Variants in CCDC38 observed in about 807,000 individuals in gnomAD.
CCDC38 encodes coiled-coil domain containing 38.
A neutral mutation model predicts 72.8 loss-of-function variants in CCDC38; 69 were observed. The ratio of observed to expected loss-of-function variants is 0.95; its 90% CI spans 0.78 to 1.16. CCDC38 has a LOEUF of 1.16. Among genes scored for constraint, CCDC38 ranks in the 50% most tolerant of loss-of-function variants. The pLI is 0.00. For synonymous variants in CCDC38, 201 were observed against 213.2 expected (o/e 0.94, Z 0.50); for missense variants, 626 against 638.9 (o/e 0.98, Z 0.22).
chr12:95,903,243 C>A (rs767419410), intron 5 of CCDC38, among the ~76,000 whole-genome samples: 2 of 152,040 alleles, frequency 1.3e-5, no homozygotes. Context: ...GTAAATTGAC[C>A]TTGCTACAAC....
chr12:95,921,352 G>T (rs1289574515), intron 2 of CCDC38, among the ~76,000 whole-genome samples: 3 of 152,076 alleles, frequency 2.0e-5, no homozygotes, highest in African/African-American at 4.8e-5. Context: ...CTGCTATAAA[G>T]AACTTCTCTG....
chr12:95,881,480 G>C lies in CCDC38; in HGVS notation c.990+5C>G, dbSNP rs1231064707. On this transcript the variant is annotated splice_donor_5th_base_variant and intron_variant, in intron 11 of 15. Transcript: ENST00000344280. ...TATTTAAACTAGCAAATATAATCTG[G>C]TTACCAAATCAACGTCCATTTCATC... 1.2e-6 allele frequency: 2 copies of C among 1,602,694 alleles called. No individual in the cohort carries two copies. The highest frequency in any genetic ancestry group is 2.7e-5 in the African/African-American group (2 of 74,478).
In CCDC38 at chr12:95,878,960, T is replaced by C. The variant is rs116497216; in HGVS notation, c.1143-614A>G. On this transcript the variant is annotated intron_variant, in intron 12 of 15. Coordinates refer to ENST00000344280, the MANE Select transcript of CCDC38 (RefSeq NM_182496.3). ...TAATTTGTTTTGAAGTTAAATGTAG[T>C]TTGACCTATTGTTTAAAAAGATTGC... Among the ~76,000 whole-genome samples, 959 of 152,346 alleles carry C rather than the reference T, an allele frequency of 6.3e-3. 15 individuals are homozygous for C. Among genetic ancestry groups the C allele is most frequent in the African/African-American group, 0.022 (911 of 41,584 alleles).
chr12:95,898,761 A>G (rs747662022), intron 5 of CCDC38, 30 bp from the exon 6 acceptor site: 2 of 1,595,164 alleles, frequency 1.3e-6, no homozygotes, highest in East Asian at 4.5e-5. Flanking sequence ...AGGTGTAAAA[A>G]CATGATTCCA....
chr12:95,940,676 T>G (rs1350265926), intron 1 of CCDC38, among the ~76,000 whole-genome samples: 1 of 152,078 alleles, frequency 6.6e-6, no homozygotes, highest in Non-Finnish European at 1.5e-5. Context: ...AGTTAGCAAT[T>G]TTTTGTTTAC....
intron 2 of CCDC38, among the ~76,000 whole-genome samples, chr12:95,920,418 G>A (rs2080192079): frequency 6.6e-6 from 1 of 152,174 alleles, no homozygotes; most frequent in Admixed American, 6.5e-5. Flanking sequence ...GCCAGCCTGG[G>A]TATGTCTTTA....
At chr12:95,922,620 T>C (rs890921836) in intron 2 of CCDC38, among the ~76,000 whole-genome samples, 5 of 152,136 alleles carry the variant, frequency 3.3e-5, no homozygotes, top group Non-Finnish European at 7.4e-5. Context: ...TAGGTGGACG[T>C]CATATTTGGC....
chr12:95,872,428 A>C lies in CCDC38; in HGVS notation c.1311T>G (p.Ile437Met). 1 of 1,614,002 alleles carries C rather than the reference A, an allele frequency of 6.2e-7. No individual in the cohort carries two copies. Among genetic ancestry groups the C allele is most frequent in the Non-Finnish European group, 8.5e-7 (1 of 1,179,876 alleles). Residue 437 changes from isoleucine (I) to methionine (M), a missense_variant, in exon 14 of 16, where the codon ATT (isoleucine) becomes ATG (methionine). Ile to Met is a conservative substitution (Grantham distance 10). Transcript: ENST00000344280. ...CAATGCAGACTTTGTATACTTGAGT[A>C]ATCTTTTTACTAAGTGAGTCTATCA... is the stretch of plus-strand genomic sequence containing the variant. ...EILIDSLSKK[I>M]TQVYKVCIGD... is the part of the protein sequence containing the mutation.
At chr12:95,909,350 G>A (rs2080065894) in intron 4 of CCDC38, among the ~76,000 whole-genome samples, 1 of 152,072 alleles carries the variant, frequency 6.6e-6, no homozygotes. Context: ...ATTGAATCAG[G>A]AAGAAATTGT....
intron 4 of CCDC38, among the ~76,000 whole-genome samples, chr12:95,912,470 T>TG (rs1432566273): frequency 2.0e-5 from 3 of 150,072 alleles, no homozygotes; most frequent in African/African-American, 7.4e-5. Context: ...AGGATGGGGG[T>TG]GGGGGGATAG....
chr12:95,903,446 G>A, intron 5 of CCDC38: 1 of 700,084 alleles, frequency 1.4e-6, no homozygotes, highest in South Asian at 1.5e-5. Flanking sequence ...TGGTGCAGTG[G>A]AAATCCTTGC....
At chr12:95,868,029 G>A (rs2079541712) in intron 15 of CCDC38, among the ~76,000 whole-genome samples, 1 of 152,272 alleles carries the variant, frequency 6.6e-6, no homozygotes, top group African/African-American at 2.4e-5. Context: ...TGGGGGACTA[G>A]AATTTTTGAA....
intron 9 of CCDC38, among the ~76,000 whole-genome samples, chr12:95,888,725 T>C (rs368179424): frequency 2.0e-5 from 3 of 152,126 alleles, no homozygotes; most frequent in African/African-American, 7.2e-5. Flanking sequence ...CTGAGTTGCA[T>C]GCGTAAGAAT....
At chr12:95,937,988 G>A (rs1280730938) in intron 1 of CCDC38, among the ~76,000 whole-genome samples, 1 of 152,156 alleles carries the variant, frequency 6.6e-6, no homozygotes, top group East Asian at 1.9e-4. Flanking sequence ...GATTCAGTGG[G>A]CAATGGATTT....
At chr12:95,883,785 A>G (rs1308414639) in intron 10 of CCDC38, among the ~76,000 whole-genome samples, 2 of 152,208 alleles carry the variant, frequency 1.3e-5, no homozygotes, top group African/African-American at 4.8e-5. Flanking sequence ...TGTTGAATGA[A>G]TGGATGAGAC....
intron 2 of CCDC38, among the ~76,000 whole-genome samples, chr12:95,929,044 C>T (rs1380852922): frequency 6.6e-6 from 1 of 152,200 alleles, no homozygotes; most frequent in Non-Finnish European, 1.5e-5. Context: ...AGGCAGGCCT[C>T]CTTGAGCTGT....
At chr12:95,916,686 C>A (rs749554175) in intron 4 of CCDC38, among the ~76,000 whole-genome samples, 5 of 151,998 alleles carry the variant, frequency 3.3e-5, no homozygotes, top group Non-Finnish European at 5.9e-5. Context: ...GTCACTAAAA[C>A]CAGATTAGGT....
At chr12:95,867,408 CA>C (rs2079532485) in intron 15 of CCDC38, among the ~76,000 whole-genome samples, 1 of 152,088 alleles carries the variant, frequency 6.6e-6, no homozygotes, top group South Asian at 2.1e-4. Context: ...GCAGAAGGAA[CA>C]GCAGTTAGGT....
chr12:95,912,661 A>C (rs1306174367), intron 4 of CCDC38, among the ~76,000 whole-genome samples: 2 of 152,232 alleles, frequency 1.3e-5, no homozygotes, highest in Non-Finnish European at 2.9e-5. Context: ...GGTGATGAAT[A>C]TGCTCATTAC....
Sources: gnomAD v4.1 joint callset for allele counts (sites outside exome capture counted in the v4.1 genomes callset) on GRCh38, gnomAD v4.1.1 for gene constraint, MANE v1.5 for transcripts, NCBI Gene and HGNC (gene_info 2026-07-23, HGNC 2026-07-21) for gene names.